The following KIR2DL4 variants were observed in gnomAD, a reference collection of about 807,000 sequenced individuals.
KIR2DL4 encodes the protein killer cell immunoglobulin like receptor, two Ig domains and long cytoplasmic tail 4, also known as killer cell immunoglobulin-like receptor 2DL4.
KIR2DL4 carries 41 observed loss-of-function variants against 31.0 expected under a neutral mutation model. The observed-to-expected ratio is 1.32, with a 90% CI of 1.03 to 1.72. The LOEUF (loss-of-function observed/expected upper bound fraction) is 1.72. KIR2DL4 is among the 40% of genes most tolerant of loss of function. KIR2DL4 has a pLI of 0.00. For synonymous variants in KIR2DL4, 164 were observed against 133.6 expected, an observed-to-expected ratio of 1.23 and a Z score of -1.57; for missense variants, 438 against 353.7, an observed-to-expected ratio of 1.24 and a Z score of -1.91.
intron 4 of KIR2DL4, among the ~76,000 whole-genome samples, chr19:54,808,271 G>A (rs2060645222): frequency 6.6e-6 from 1 of 150,608 alleles, no homozygotes; most frequent in Admixed American, 6.6e-5. Flanking sequence ...TAAACAAAAT[G>A]TCTTCCCTCA....
rs754474007 is a variant in KIR2DL4, at chr19:54,813,831, C to T, written c.*42-11C>T. The T allele has an allele frequency of 2.9e-5, 47 of 1,612,088 alleles. 1 individual carries two copies. The highest frequency in any genetic ancestry group is 2.9e-5 in the Non-Finnish European group (34 of 1,179,688). ...AACACCCTCCCTCACTCAGGATTTC[C>T]CTCTCTCCAGGACTCTGATGAACAA... On this transcript the variant is annotated splice_polypyrimidine_tract_variant and intron_variant, in intron 7 of 7. Coordinates refer to ENST00000359085, the Ensembl canonical transcript of KIR2DL4.
Position 54,807,212 on chromosome 19 carries a change from G to T in KIR2DL4, c.655+968G>T, listed in dbSNP as rs76827991. On this transcript the variant is annotated intron_variant, in intron 4 of 7. Transcript: ENST00000359085. The stretch of plus-strand genomic sequence containing the variant: ...TGCAAATGACAGGACGTTACTCTTT[G>T]TATGGATGAGTTGTCTCCATTGTGT... Among the ~76,000 whole-genome samples, 5 of 149,974 alleles carry T rather than the reference G, an allele frequency of 3.3e-5. 1 individual carries two copies. The highest frequency in any genetic ancestry group is 1.2e-4 in the African/African-American group (5 of 40,156).
intron 4 of KIR2DL4, 105 bp from the exon 5 acceptor site, chr19:54,808,728 A>C: frequency 1.1e-6 from 1 of 877,742 alleles, no homozygotes; most frequent in Non-Finnish European, 1.9e-6. Context: ...CCCAGGGCCC[A>C]ACATTAGATA....
At chr19:54,808,517 G>A (rs1010162271) in intron 4 of KIR2DL4, among the ~76,000 whole-genome samples, 1 of 150,004 alleles carries the variant, frequency 6.7e-6, no homozygotes, top group Non-Finnish European at 1.5e-5. Context: ...GTAAATGGGT[G>A]GATTACATCC....
exon 8 of KIR2DL4, chr19:54,814,112 AG>A: frequency 8.1e-6 from 13 of 1,610,342 alleles, no homozygotes; most frequent in Non-Finnish European, 1.1e-5. Context: ...TGGAATCTGA[AG>A]GCGTGAGTCT....
chr19:54,814,145 C>A, exon 8 of KIR2DL4: 1 of 1,601,958 alleles, frequency 6.2e-7, no homozygotes, highest in South Asian at 1.1e-5. Context: ...CATCACTCTT[C>A]CTCACACCAC....
At chr19:54,808,864 T>C in exon 5 of KIR2DL4, 1 of 1,605,072 alleles carries the variant, frequency 6.2e-7, no homozygotes, top group South Asian at 1.1e-5. Context: ...CTTCACCCAC[T>C]GAACCAAGCT....
chr19:54,812,011 T>G (rs2147967256), intron 5 of KIR2DL4, among the ~76,000 whole-genome samples: 1 of 151,458 alleles, frequency 6.6e-6, no homozygotes, highest in East Asian at 1.9e-4. Flanking sequence ...TGTTTTTTCC[T>G]TTTCTTGGAG....
In KIR2DL4 at chr19:54,808,936, G is replaced by T; in HGVS notation, c.706+53G>T. Reference sequence around the variant, plus strand: ...CTTTTGGAAACCTGGGGAGGTAGAAGCCTTGGATTCAAGCGTTGGCTCAGC... The same window carrying T: ...CTTTTGGAAACCTGGGGAGGTAGAATCCTTGGATTCAAGCGTTGGCTCAGC... On this transcript the variant is annotated intron_variant, in intron 5 of 7. Transcript: ENST00000359085. The T allele has an allele frequency of 2.1e-6, 3 of 1,431,064 alleles. 1 individual carries two copies. Among genetic ancestry groups the T allele is most frequent in the South Asian group, 2.3e-5 (2 of 86,454 alleles). The allele number at this position is 1,431,064 out of a possible 1,614,324, so 88.6% of individuals were successfully genotyped here. A position where few individuals can be genotyped will look rare whatever the true frequency, so the allele number is the denominator to read the frequency against.
intron 4 of KIR2DL4, among the ~76,000 whole-genome samples, chr19:54,806,913 G>A (rs1164824541): frequency 2.0e-5 from 3 of 150,966 alleles, no homozygotes; most frequent in African/African-American, 7.4e-5. Flanking sequence ...AACTTGGGAG[G>A]CTGAGGCGGG....
At chr19:54,804,140 G>T (rs1226537415) in intron 2 of KIR2DL4, among the ~76,000 whole-genome samples, 1 of 150,134 alleles carries the variant, frequency 6.7e-6, no homozygotes, top group African/African-American at 2.5e-5. Flanking sequence ...CTAGTAAGAG[G>T]AGATCCTGGT....
chr19:54,812,575 T>C (rs3865508), intron 5 of KIR2DL4, among the ~76,000 whole-genome samples: 1 of 147,462 alleles, frequency 6.8e-6, no homozygotes, highest in Non-Finnish European at 1.5e-5. Context: ...CTCACTGATC[T>C]GCACGCTGTA....
At chr19:54,814,478 G>C (rs971729780) in exon 8 of KIR2DL4, 1 of 294,680 alleles carries the variant, frequency 3.4e-6, no homozygotes, top group African/African-American at 2.3e-5. Context: ...TTTGATTTCA[G>C]TGTAGTTCTC....
intron 4 of KIR2DL4, among the ~76,000 whole-genome samples, chr19:54,807,351 C>T (rs1489674360): frequency 1.3e-5 from 2 of 151,446 alleles, no homozygotes; most frequent in Non-Finnish European, 2.9e-5. Context: ...GATGTCACTT[C>T]AATACACTGA....
chr19:54,811,015 T>C (rs1259484867), intron 5 of KIR2DL4, among the ~76,000 whole-genome samples: 1 of 151,484 alleles, frequency 6.6e-6, no homozygotes, highest in Non-Finnish European at 1.5e-5. Flanking sequence ...GATTTCTTTC[T>C]GAGATTTATT....
At chr19:54,811,842 G>A (rs1239314246) in intron 5 of KIR2DL4, among the ~76,000 whole-genome samples, 4 of 151,162 alleles carry the variant, frequency 2.6e-5, no homozygotes, top group African/African-American at 9.8e-5. Flanking sequence ...ACAGATGATG[G>A]AGGGGGTGGT....
chr19:54,814,034 A>T (rs1269857415), exon 8 of KIR2DL4: 1 of 1,612,184 alleles, frequency 6.2e-7, no homozygotes, highest in African/African-American at 1.3e-5. Flanking sequence ...TCAGGCCTTG[A>T]TGGGATCTTC....
intron 3 of KIR2DL4, 69 bp downstream of exon 3, chr19:54,805,146 TC>T: frequency 7.1e-7 from 1 of 1,418,192 alleles, no homozygotes; most frequent in Non-Finnish European, 9.5e-7. Flanking sequence ...GGTGGGGGTG[TC>T]CACCAGAGTC....
chr19:54,814,175 T>C (rs1479504665), exon 8 of KIR2DL4: 2 of 1,556,050 alleles, frequency 1.3e-6, no homozygotes, highest in African/African-American at 2.7e-5. Flanking sequence ...GCCTGTCTCT[T>C]GCTTACCAAT....
Sources: allele counts gnomAD v4.1 joint callset (sites outside exome capture counted in the v4.1 genomes callset), GRCh38; gene constraint gnomAD v4.1.1; transcripts MANE v1.5; gene names NCBI Gene and HGNC (gene_info 2026-07-23, HGNC 2026-07-21).